CYS1: variants seen among roughly 807,000 people sequenced by gnomAD.
The protein encoded by CYS1 is cystin-1.
Under a neutral mutation model 9.6 loss-of-function variants are expected in CYS1, and 5 were observed. The observed-to-expected ratio is 0.52, with a 90% CI of 0.27 to 1.10. The LOEUF (loss-of-function observed/expected upper bound fraction) is 1.10. Among genes scored for constraint, CYS1 ranks in the 50% least tolerant of loss-of-function variants. The pLI is 0.11. For missense variants in CYS1, 221 were observed against 207.9 expected (o/e 1.06, Z -0.39); for synonymous variants, 88 against 95.7 (o/e 0.92, Z 0.47).
intron 1 of CYS1, among the ~76,000 whole-genome samples, chr2:10,079,412 T>TA (rs1156759618): frequency 1.3e-5 from 2 of 152,198 alleles, no homozygotes; most frequent in African/African-American, 4.8e-5. Context: ...GCAGGACTGT[T>TA]ATTACGAGTA....
rs924656321 is a variant in CYS1, at chr2:10,079,983, A to G, written c.241T>C (p.Ser81Pro). 3.6e-6 allele frequency: 4 copies of G among 1,097,166 alleles called. No homozygotes were observed. The African/African-American group carries it at 6.8e-5, about 19-fold the overall frequency. 68.0% of individuals were successfully genotyped at this position (1,097,166 alleles called of 1,614,324 possible). Residue 81 changes from serine to proline, a missense_variant, in exon 1 of 3, where the codon TCG (serine) becomes CCG (proline). Ser to Pro is a moderately conservative substitution (Grantham distance 74). Coordinates refer to ENST00000381813, the MANE Select transcript of CYS1 (RefSeq NM_001037160.3). The part of the protein sequence containing the change: ...LRLLDELLAE[S>P]AAWGPPEPAP... ...GGCTCCGGGGGGCCCCAGGCCGCCGACTCGGCCAGCAGCTCGTCCAGCAGG... is the reference window on the plus strand; with the variant it reads ...GGCTCCGGGGGGCCCCAGGCCGCCGGCTCGGCCAGCAGCTCGTCCAGCAGG...
At chr2:10,070,881 C>T (rs116390921) in intron 1 of CYS1, among the ~76,000 whole-genome samples, 4,694 of 152,184 alleles carry the variant, frequency 0.031, 235 homozygotes, top group African/African-American at 0.11. Flanking sequence ...TGAGCTCAAG[C>T]GATCCCCCCA....
chr2:10,075,802 A>C (rs895819296), intron 1 of CYS1, among the ~76,000 whole-genome samples: 1 of 152,214 alleles, frequency 6.6e-6, no homozygotes, highest in African/African-American at 2.4e-5. Flanking sequence ...AAACAGAAAA[A>C]TTCTCAGATA....
At chr2:10,065,398 C>A (rs1558357942) in intron 2 of CYS1, among the ~76,000 whole-genome samples, 1 of 152,196 alleles carries the variant, frequency 6.6e-6, no homozygotes, top group African/African-American at 2.4e-5. Flanking sequence ...CTGGAGCAGA[C>A]AGACAAGGCC....
Position 10,063,085 on chromosome 2 carries a change from T to C in CYS1, c.371+2819A>G, listed in dbSNP as rs891413357. On this transcript the variant is annotated intron_variant, in intron 2 of 2. Coordinates refer to ENST00000381813, the MANE Select transcript of CYS1 (RefSeq NM_001037160.3). This position sits in a 1 kb window ranked among gnomAD's most constrained non-coding sequence, Gnocchi z 4.2. ...GCCCTCCCGGGGGAAGGACCTGGCG[T>C]TGTCAGGATGGTCAGGACTGGGGTC... Among the ~76,000 whole-genome samples the C allele has an allele frequency of 5.9e-5, 9 of 152,204 alleles. No homozygotes were observed. Among genetic ancestry groups the C allele is most frequent in the African/African-American group, 2.2e-4 (9 of 41,466 alleles).
chr2:10,073,910 A>G (rs564609947), intron 1 of CYS1, among the ~76,000 whole-genome samples: 1 of 152,302 alleles, frequency 6.6e-6, no homozygotes, highest in South Asian at 2.1e-4. Flanking sequence ...CAGGCTTCTA[A>G]TCACCTACAG....
chr2:10,071,254 A>C (rs1034161437), intron 1 of CYS1, among the ~76,000 whole-genome samples: 1 of 152,194 alleles, frequency 6.6e-6, no homozygotes, highest in Non-Finnish European at 1.5e-5. Flanking sequence ...GGCGTGAGCC[A>C]CCGTGCCCGG....
intron 1 of CYS1, among the ~76,000 whole-genome samples, chr2:10,066,337 G>A (rs532808105): frequency 8.6e-5 from 13 of 151,832 alleles, no homozygotes; most frequent in African/African-American, 2.4e-4. Context: ...CACCTAGCAC[G>A]AGGGCACCCC....
At position 10,076,046 on chromosome 2, in the gene CYS1, A is replaced by G. The variant is rs1661837725; in HGVS notation, c.318+3860T>C. Among the ~76,000 whole-genome samples the G allele has an allele frequency of 1.3e-5, 2 of 152,266 alleles. No individual in the cohort carries two copies. Among genetic ancestry groups the G allele is most frequent in the South Asian group, 4.1e-4 (2 of 4,824 alleles). On this transcript the variant is annotated intron_variant, in intron 1 of 2. Coordinates refer to ENST00000381813, the MANE Select transcript of CYS1 (RefSeq NM_001037160.3). The surrounding 1 kb of genome is among the most constrained non-coding windows in gnomAD (Gnocchi z 4.3). ...TACTAAAAATACAAAAAAATTAGCC[A>G]GGCGTGGTGGCATGCTCCTATAGTC...
chr2:10,078,645 G>A (rs1345875921), intron 1 of CYS1, among the ~76,000 whole-genome samples: 1 of 152,130 alleles, frequency 6.6e-6, no homozygotes, highest in Non-Finnish European at 1.5e-5. Flanking sequence ...GCCTCCCTTG[G>A]GATTAGCCGC....
chr2:10,077,720 C>G (rs1048813109), intron 1 of CYS1, among the ~76,000 whole-genome samples: 3 of 152,092 alleles, frequency 2.0e-5, no homozygotes, highest in Non-Finnish European at 2.9e-5. Flanking sequence ...CAGGCGTTAT[C>G]TGAAAATAAT....
chr2:10,074,789 T>C (rs778495887), intron 1 of CYS1, among the ~76,000 whole-genome samples: 3 of 152,188 alleles, frequency 2.0e-5, no homozygotes, highest in Non-Finnish European at 4.4e-5. Flanking sequence ...ATCACCTGGC[T>C]GAATGGCACA....
chr2:10,069,369 G>T (rs1308499437), intron 1 of CYS1, among the ~76,000 whole-genome samples: 1 of 151,982 alleles, frequency 6.6e-6, no homozygotes, highest in Non-Finnish European at 1.5e-5. Flanking sequence ...TTTTTATTTT[G>T]TTGTTGTTGT....
chr2:10,071,249 G>A (rs564170626), intron 1 of CYS1, among the ~76,000 whole-genome samples: 5 of 152,362 alleles, frequency 3.3e-5, no homozygotes, highest in Admixed American at 2.0e-4. Context: ...TTACAGGCGT[G>A]AGCCACCGTG....
In CYS1 at chr2:10,058,514, T is replaced by G; in HGVS notation, c.*339A>C. The G allele has an allele frequency of 4.2e-6, 1 of 238,806 alleles. No homozygotes were observed. Among genetic ancestry groups the G allele is most frequent in the Non-Finnish European group, 8.2e-6 (1 of 122,140 alleles). The allele number at this position is 238,806 out of a possible 1,614,324, so 14.8% of individuals were successfully genotyped here. The stretch of plus-strand genomic sequence containing the variant: ...GCTCGCTTGTGTCACCTAGTCCTCG[T>G]GAGCCCTCCCCACTGTGGAGAGCGG... On this transcript the variant is annotated 3_prime_UTR_variant, in exon 3 of 3. Transcript: ENST00000381813.
chr2:10,072,250 T>A (rs1661777494), intron 1 of CYS1, among the ~76,000 whole-genome samples: 1 of 152,172 alleles, frequency 6.6e-6, no homozygotes, highest in South Asian at 2.1e-4. Context: ...ACCTGGCTAA[T>A]TTTTGTATTT....
intron 1 of CYS1, among the ~76,000 whole-genome samples, chr2:10,067,834 T>C (rs941226810): frequency 3.3e-5 from 5 of 152,258 alleles, no homozygotes; most frequent in Non-Finnish European, 7.3e-5. Flanking sequence ...GGCCATTTGA[T>C]TTTTCCCTTT....
Position 10,063,176 on chromosome 2 carries a change from T to C in CYS1, c.371+2728A>G, listed in dbSNP as rs951462452. ...AATAAGCGTCTATGAAATGCTACCATGTGCCTGGAGCTATGAGGGCCCAGA... is the reference window on the plus strand; with the variant it reads ...AATAAGCGTCTATGAAATGCTACCACGTGCCTGGAGCTATGAGGGCCCAGA... On this transcript the variant is annotated intron_variant, in intron 2 of 2. Transcript: ENST00000381813. This position sits in a 1 kb window ranked among gnomAD's most constrained non-coding sequence, Gnocchi z 4.2. Among the ~76,000 whole-genome samples the C allele has an allele frequency of 4.6e-5, 7 of 152,202 alleles. No homozygotes were observed. Among genetic ancestry groups the C allele is most frequent in the African/African-American group, 1.4e-4 (6 of 41,444 alleles).
chr2:10,068,809 A>G (rs1661728347), intron 1 of CYS1, among the ~76,000 whole-genome samples: 1 of 152,114 alleles, frequency 6.6e-6, no homozygotes. Flanking sequence ...CGTGGTGGCT[A>G]CCAACACTTT....
Sources: gnomAD v4.1 joint callset for allele counts (sites outside exome capture counted in the v4.1 genomes callset) on GRCh38, gnomAD v4.1.1 for gene constraint, Gnocchi (gnomAD v3.1) non-coding constraint, MANE v1.5 for transcripts, NCBI Gene and HGNC (gene_info 2026-07-23, HGNC 2026-07-21) for gene names.